Variants in MTSS1 observed in about 807,000 individuals in gnomAD.
The protein encoded by MTSS1 is MTSS I-BAR domain containing 1.
Under a neutral mutation model 79.0 loss-of-function variants are expected in MTSS1, and 18 were observed. That is an observed-to-expected ratio of 0.23 (90% confidence interval 0.16 to 0.34). MTSS1 has a LOEUF of 0.34. Ranked by LOEUF, MTSS1 falls within the 10% of genes least tolerant of loss-of-function variation. The pLI is 1.00. For synonymous variants in MTSS1, 341 were observed against 368.6 expected, an observed-to-expected ratio of 0.93 and a Z score of 0.86; for missense variants, 815 against 986.2, an observed-to-expected ratio of 0.83 and a Z score of 2.33.
chr8:124,553,211 A>G lies in MTSS1; in HGVS notation c.2049T>C (p.Pro683=). Reference sequence around the variant, plus strand: ...CTGGAATTGCCTGTCTGTGCTCCTCAGGGATACTGGGCTTCGGGCCTGGAA... The same window carrying G: ...CTGGAATTGCCTGTCTGTGCTCCTCGGGGATACTGGGCTTCGGGCCTGGAA... ...PPLPGPKPSI[P]EEHRQAIPES... Residue 683 remains proline, a synonymous_variant, in exon 14 of 14, where the codon CCT becomes CCC. Coordinates refer to ENST00000518547, the MANE Select transcript of MTSS1 (RefSeq NM_014751.6). This position sits in a 1 kb window ranked among gnomAD's most constrained non-coding sequence, Gnocchi z 6.0. 2 of 1,614,100 alleles carry G rather than the reference A, an allele frequency of 1.2e-6. No homozygotes were observed. The highest frequency in any genetic ancestry group is 8.5e-7 in the Non-Finnish European group (1 of 1,180,028).
chr8:124,649,505 C>T (rs1304928256), intron 3 of MTSS1, among the ~76,000 whole-genome samples: 1 of 152,150 alleles, frequency 6.6e-6, no homozygotes, highest in East Asian at 1.9e-4. Flanking sequence ...CTATACAATT[C>T]AGGCATCAAT....
chr8:124,695,285 T>A (rs765936942), intron 3 of MTSS1, among the ~76,000 whole-genome samples: 39 of 151,736 alleles, frequency 2.6e-4, no homozygotes, highest in Middle Eastern at 6.8e-3. Context: ...CCAGAAGAGA[T>A]GCACTTAATG....
rs1001969331 is a variant in MTSS1, at chr8:124,704,322, C to T, written c.73-131G>A. On this transcript the variant is annotated intron_variant, in intron 1 of 13. Coordinates refer to ENST00000518547, the MANE Select transcript of MTSS1 (RefSeq NM_014751.6). ...TCTCTTCCTTTGCAGGTCTGCAATACGTTTCCCGGATTCTATATACATGTA... is the reference window on the plus strand; with the variant it reads ...TCTCTTCCTTTGCAGGTCTGCAATATGTTTCCCGGATTCTATATACATGTA... 20 of 790,472 alleles carry T rather than the reference C, an allele frequency of 2.5e-5. No individual in the cohort carries two copies. The East Asian group carries it at 3.5e-4, about 14-fold the overall frequency. 49.0% of individuals were successfully genotyped at this position (790,472 alleles called of 1,614,324 possible). A position where few individuals can be genotyped will look rare whatever the true frequency, so the allele number is the denominator to read the frequency against.
rs1830210694 is a variant in MTSS1 at position 124,582,485 on chromosome 8, A to G, written c.460+2602T>C. ...CAAAGGCACTTGAAATGCTAAAAGG[A>G]GAGTCCAGAGAATTTTTAGATCAAA... On this transcript the variant is annotated intron_variant, in intron 6 of 13. Transcript: ENST00000518547. This position sits in a 1 kb window ranked among gnomAD's most constrained non-coding sequence, Gnocchi z 4.8. Among the ~76,000 whole-genome samples, 1 of 152,162 alleles carries G rather than the reference A, an allele frequency of 6.6e-6. No homozygotes were observed. The highest frequency in any genetic ancestry group is 2.4e-5 in the African/African-American group (1 of 41,448).
intron 3 of MTSS1, among the ~76,000 whole-genome samples, chr8:124,695,222 C>T (rs1027048761): frequency 6.6e-6 from 1 of 152,050 alleles, no homozygotes; most frequent in Non-Finnish European, 1.5e-5. Flanking sequence ...ATATGAGATG[C>T]TAATATTTTG....
intron 7 of MTSS1, 128 bp downstream of exon 7, chr8:124,568,251 A>T: frequency 9.0e-7 from 1 of 1,116,212 alleles, no homozygotes; most frequent in Non-Finnish European, 1.3e-6. Context: ...GCTGGTCTGT[A>T]CAGGAGATAC....
chr8:124,630,693 CT>C (rs1280057814), intron 3 of MTSS1, among the ~76,000 whole-genome samples: 1 of 152,222 alleles, frequency 6.6e-6, no homozygotes, highest in Non-Finnish European at 1.5e-5. Context: ...CCCAACCTGC[CT>C]CCACTGTCTC....
rs1330197603 is a variant in MTSS1, at chr8:124,716,910, A to G, written c.72+10974T>C. 3.3e-5 allele frequency among the ~76,000 whole-genome samples: 5 copies of G among 151,978 alleles called. No homozygotes were observed. In the East Asian group the frequency reaches 5.8e-4, roughly 18 times the overall value. ...AGCCTTGAAAAAAACACACATTTTG[A>G]CCAAGGATAAAAAGTCCTTCGGGGG... On this transcript the variant is annotated intron_variant, in intron 1 of 13. Transcript: ENST00000518547.
At chr8:124,695,707 G>C (rs188450064) in intron 3 of MTSS1, among the ~76,000 whole-genome samples, 20 of 152,254 alleles carry the variant, frequency 1.3e-4, no homozygotes, top group African/African-American at 3.6e-4. Context: ...TTGGCCGCTA[G>C]AAAGAATAAG....
Position 124,553,808 on chromosome 8 carries a change from G to A in MTSS1, c.1568-116C>T. The A allele has an allele frequency of 1.1e-6, 1 of 879,902 alleles. No homozygotes were observed. The highest frequency in any genetic ancestry group is 1.7e-6 in the Non-Finnish European group (1 of 591,162). 54.5% of individuals were successfully genotyped at this position (879,902 alleles called of 1,614,324 possible). ...GGGTACACACACAGTCTCATCCCAAGCTTCCCCCAGGCTTCTCTACCATCT... is the reference window on the plus strand; with the variant it reads ...GGGTACACACACAGTCTCATCCCAAACTTCCCCCAGGCTTCTCTACCATCT... On this transcript the variant is annotated intron_variant, in intron 13 of 13. Transcript: ENST00000518547. The surrounding 1 kb of genome is among the most constrained non-coding windows in gnomAD (Gnocchi z 6.0).
intron 3 of MTSS1, among the ~76,000 whole-genome samples, chr8:124,696,234 T>A (rs62530739): frequency 6.6e-6 from 1 of 151,896 alleles, no homozygotes; most frequent in African/African-American, 2.4e-5. Flanking sequence ...GTAATCCACC[T>A]GCCTCGGCCT....
intron 3 of MTSS1, among the ~76,000 whole-genome samples, chr8:124,656,163 A>C (rs1201663188): frequency 6.6e-6 from 1 of 152,180 alleles, no homozygotes; most frequent in Non-Finnish European, 1.5e-5. Flanking sequence ...CAGGAGAAGA[A>C]ACTCAGACTC....
At chr8:124,725,487 C>T (rs373505150) in intron 1 of MTSS1, among the ~76,000 whole-genome samples, 2 of 152,186 alleles carry the variant, frequency 1.3e-5, no homozygotes, top group Non-Finnish European at 2.9e-5. Context: ...AACATCACTT[C>T]TGAGAAAATA....
At position 124,585,229 on chromosome 8, in the gene MTSS1, C is replaced by G. The variant is rs1185104498; in HGVS notation, c.386-68G>C. The G allele has an allele frequency of 6.2e-6, 7 of 1,122,766 alleles. No individual in the cohort carries two copies. The African/African-American group carries it at 1.1e-4, about 18-fold the overall frequency. The allele number at this position is 1,122,766 out of a possible 1,614,324, so 69.6% of individuals were successfully genotyped here. On this transcript the variant is annotated intron_variant, in intron 5 of 13. Coordinates refer to ENST00000518547, the MANE Select transcript of MTSS1 (RefSeq NM_014751.6). Reference sequence around the variant, plus strand: ...AACAGAAAATATGTTAGGTAGGAAACAGCCATTACATTTATCACAGAAAGC... The same window carrying G: ...AACAGAAAATATGTTAGGTAGGAAAGAGCCATTACATTTATCACAGAAAGC...
At chr8:124,663,504 C>T (rs767731535) in intron 3 of MTSS1, among the ~76,000 whole-genome samples, 53 of 152,108 alleles carry the variant, frequency 3.5e-4, no homozygotes, top group African/African-American at 1.2e-3. Flanking sequence ...AACCCCCACC[C>T]GCCCAATCCA....
Position 124,556,386 on chromosome 8 carries a change from G to A in MTSS1, c.1250C>T (p.Pro417Leu). Residue 417 changes from proline to leucine, a missense_variant, in exon 12 of 14, where the codon CCC (proline) becomes CTC (leucine). Coordinates refer to ENST00000518547, the MANE Select transcript of MTSS1 (RefSeq NM_014751.6). ...PSWKDWAKPG[P>L]YDQPLVNTLQ... ...GGTGTTCACCAGAGGCTGGTCATAGGGCCCAGGCTTAGCCCAGTCCTATGC... is the reference window on the plus strand; with the variant it reads ...GGTGTTCACCAGAGGCTGGTCATAGAGCCCAGGCTTAGCCCAGTCCTATGC... 1.9e-6 allele frequency: 3 copies of A among 1,613,496 alleles called. No homozygotes were observed. Among genetic ancestry groups the A allele is most frequent in the Non-Finnish European group, 1.7e-6 (2 of 1,179,678 alleles).
chr8:124,624,698 C>T (rs988223045), intron 3 of MTSS1, among the ~76,000 whole-genome samples: 1 of 152,164 alleles, frequency 6.6e-6, no homozygotes, highest in African/African-American at 2.4e-5. Flanking sequence ...ATGCCAGCCA[C>T]GTTGATGGCG....
intron 3 of MTSS1, among the ~76,000 whole-genome samples, chr8:124,620,584 C>T (rs1813301717): frequency 6.6e-6 from 1 of 152,100 alleles, no homozygotes; most frequent in Non-Finnish European, 1.5e-5. Context: ...TAATTCCTTC[C>T]TCCTGAAATT....
chr8:124,596,576 G>A (rs1832801512), intron 3 of MTSS1, among the ~76,000 whole-genome samples: 1 of 152,186 alleles, frequency 6.6e-6, no homozygotes, highest in South Asian at 2.1e-4. Flanking sequence ...GAAGACACAC[G>A]ATCCACAAGC....
Sources: gnomAD v4.1 joint callset for allele counts (sites outside exome capture counted in the v4.1 genomes callset) on GRCh38, gnomAD v4.1.1 for gene constraint, Gnocchi (gnomAD v3.1) non-coding constraint, MANE v1.5 for transcripts, NCBI Gene and HGNC (gene_info 2026-07-23, HGNC 2026-07-21) for gene names.